Variants in SLC1A2 observed in about 807,000 individuals in gnomAD.
The protein encoded by SLC1A2 is excitatory amino acid transporter 2.
Under a neutral mutation model 48.8 loss-of-function variants are expected in SLC1A2, and 15 were observed. The observed-to-expected ratio is 0.31, with a 90% CI of 0.21 to 0.47. The LOEUF (loss-of-function observed/expected upper bound fraction) is 0.47, where lower values mean the gene tolerates loss of function less well. SLC1A2 is among the 20% of genes least tolerant of loss of function. The pLI is 0.99. For synonymous variants in SLC1A2, 279 were observed against 272.6 expected, an observed-to-expected ratio of 1.02 and a Z score of -0.23; for missense variants, 502 against 730.5, an observed-to-expected ratio of 0.69 and a Z score of 3.61.
chr11:35,286,102 G>A (rs1212069783), intron 8 of SLC1A2: 1 of 152,164 alleles, frequency 6.6e-6, no homozygotes, highest in East Asian at 1.9e-4. Context: ...TAAGTTTATG[G>A]TGAGGCAATG....
chr11:35,369,863 C>T (rs1853998551), intron 1 of SLC1A2, among the ~76,000 whole-genome samples: 1 of 152,080 alleles, frequency 6.6e-6, no homozygotes, highest in Non-Finnish European at 1.5e-5. Context: ...TAACAAAAAT[C>T]ATAATATAAG....
rs755017762 is a variant in SLC1A2 at position 35,317,367 on chromosome 11, A to G, written c.157+10T>C. The G allele has an allele frequency of 6.2e-7, 1 of 1,613,496 alleles. No homozygotes were observed. The highest frequency in any genetic ancestry group is 1.1e-5 in the South Asian group (1 of 91,034). On this transcript the variant is annotated intron_variant, in intron 2 of 10. Transcript: ENST00000278379. The stretch of plus-strand genomic sequence containing the variant: ...GAGGGGGCTGGGGGTGGGGTAGTGC[A>G]GGTACCTACCAAACACCGTCAGGGT...
chr11:35,350,345 T>C (rs138054557), intron 1 of SLC1A2, among the ~76,000 whole-genome samples: 1 of 152,304 alleles, frequency 6.6e-6, no homozygotes, highest in East Asian at 1.9e-4. Flanking sequence ...GAAGATGGTG[T>C]CAAAATTTAT....
At position 35,322,650 on chromosome 11, in the gene SLC1A2, G is replaced by T. The variant is rs577509659; in HGVS notation, c.18-5134C>A. 1.7e-5 allele frequency: 26 copies of T among 1,534,780 alleles called. No homozygotes were observed. The Admixed American group carries it at 4.9e-4, about 29-fold the overall frequency. ...TACTGGGGAGATAAAGATGTCCAGA[G>T]ATTGCCCTACTGGAAGACACTAGGT... On this transcript the variant is annotated intron_variant, in intron 1 of 10. Coordinates refer to ENST00000278379, the MANE Select transcript of SLC1A2 (RefSeq NM_004171.4).
In SLC1A2 at chr11:35,291,233, A is replaced by C. The variant is rs561241397; in HGVS notation, c.1091+1054T>G. ...GCTGAAAGTAAAACACTAGTCTTAA[A>C]AATTCTCAATTGTAAGGCATTTCTT... On this transcript the variant is annotated intron_variant, in intron 7 of 10. Transcript: ENST00000278379. Among the ~76,000 whole-genome samples, 4 of 152,270 alleles carry C rather than the reference A, an allele frequency of 2.6e-5. No individual in the cohort carries two copies. The East Asian group carries it at 7.7e-4, about 29-fold the overall frequency.
At position 35,301,552 on chromosome 11, in the gene SLC1A2, T is replaced by G; in HGVS notation, c.824A>C (p.Glu275Ala). Residue 275 changes from glutamate (E) to alanine (A), a missense_variant, in exon 6 of 11, where the codon GAG becomes GCG. Glu to Ala is a moderately radical substitution (Grantham distance 107). Around this residue, in one of 4 missense-constraint regions of SLC1A2, gnomAD observed 309 missense variants for 480.3 expected, o/e 0.64. Transcript: ENST00000278379. Reference sequence around the variant, plus strand: ...CATGATCACTAACTTCATTACAATCTCATTCAAAATGTTGAAGAAATCCAC... The same window carrying G: ...CATGATCACTAACTTCATTACAATCGCATTCAAAATGTTGAAGAAATCCAC... ...LMVDFFNILN[E>A]IVMKLVIMIM... 1 of 1,613,716 alleles carries G rather than the reference T, an allele frequency of 6.2e-7. No homozygotes were observed.
At chr11:35,301,991 G>C (rs958203794) in intron 5 of SLC1A2, among the ~76,000 whole-genome samples, 1 of 152,122 alleles carries the variant, frequency 6.6e-6, no homozygotes, top group South Asian at 2.1e-4. Context: ...ACAGATTAAC[G>C]AGGAAAAGCC....
intron 5 of SLC1A2, among the ~76,000 whole-genome samples, chr11:35,304,437 G>A (rs1030766218): frequency 2.0e-5 from 3 of 152,328 alleles, no homozygotes; most frequent in African/African-American, 7.2e-5. Context: ...TAGCTGGACA[G>A]TGAGGGAGAA....
intron 4 of SLC1A2, among the ~76,000 whole-genome samples, chr11:35,310,200 A>G (rs940523220): frequency 4.6e-5 from 7 of 152,174 alleles, no homozygotes; most frequent in African/African-American, 1.7e-4. Context: ...ACTGTGTCCA[A>G]ATCTGTCCTT....
Position 35,349,192 on chromosome 11 carries a change from G to A in SLC1A2, c.18-31676C>T, listed in dbSNP as rs116677398. On this transcript the variant is annotated intron_variant, in intron 1 of 10. Coordinates refer to ENST00000278379, the MANE Select transcript of SLC1A2 (RefSeq NM_004171.4). ...ACTGCGGGAGCCCGGGCAGGGGCGC[G>A]GGAAGCCTGCATTGAGGTGTGGACG... Among the ~76,000 whole-genome samples, 560 of 152,280 alleles carry A rather than the reference G, an allele frequency of 3.7e-3. 7 individuals carry two copies. The highest frequency in any genetic ancestry group is 0.013 in the African/African-American group (533 of 41,550).
intron 9 of SLC1A2, among the ~76,000 whole-genome samples, chr11:35,278,949 G>A (rs140167073): frequency 0.017 from 2,566 of 152,260 alleles, 81 homozygotes; most frequent in African/African-American, 0.058. Context: ...AACCCAGGAG[G>A]CAGAGGTTGC....
chr11:35,323,151 G>A (rs1852132828), intron 1 of SLC1A2: 1 of 256,624 alleles, frequency 3.9e-6, no homozygotes, highest in Non-Finnish European at 7.5e-6. Flanking sequence ...CTGCTGGTGA[G>A]GCACTCCAGA....
intron 1 of SLC1A2, among the ~76,000 whole-genome samples, chr11:35,397,906 G>T (rs1855015843): frequency 6.6e-6 from 1 of 152,204 alleles, no homozygotes; most frequent in East Asian, 1.9e-4. Flanking sequence ...TTATGGAATT[G>T]TGTGACACCA....
intron 1 of SLC1A2, among the ~76,000 whole-genome samples, chr11:35,355,308 C>A (rs1281628814): frequency 2.0e-5 from 3 of 152,198 alleles, no homozygotes; most frequent in Non-Finnish European, 4.4e-5. Context: ...CTTTCAGAAT[C>A]TCAGCATCAG....
chr11:35,278,701 A>G (rs1565209227), intron 9 of SLC1A2, among the ~76,000 whole-genome samples: 1 of 152,140 alleles, frequency 6.6e-6, no homozygotes, highest in East Asian at 1.9e-4. Flanking sequence ...AGTGGGAAGC[A>G]GAAACAGACT....
intron 7 of SLC1A2, chr11:35,291,243 T>C (rs372437296): frequency 2.0e-5 from 3 of 152,262 alleles, no homozygotes; most frequent in South Asian, 4.1e-4. Context: ...AAATTCTCAA[T>C]TGTAAGGCAT....
At chr11:35,346,220 T>C (rs1853027657) in intron 1 of SLC1A2, among the ~76,000 whole-genome samples, 1 of 152,182 alleles carries the variant, frequency 6.6e-6, no homozygotes, top group African/African-American at 2.4e-5. Flanking sequence ...CCCATGTTCT[T>C]AATGCATCTT....
At chr11:35,327,643 C>G (rs191172453) in intron 1 of SLC1A2, among the ~76,000 whole-genome samples, 1 of 152,324 alleles carries the variant, frequency 6.6e-6, no homozygotes, top group Admixed American at 6.5e-5. Context: ...TAATAACCAA[C>G]ATTTCATCAG....
At chr11:35,329,272 G>A (rs1287390719) in intron 1 of SLC1A2, among the ~76,000 whole-genome samples, 1 of 152,204 alleles carries the variant, frequency 6.6e-6, no homozygotes, top group African/African-American at 2.4e-5. Flanking sequence ...TACTTTGTAT[G>A]TTACTATAAT....
Sources: gnomAD v4.1 joint callset for allele counts (sites outside exome capture counted in the v4.1 genomes callset) on GRCh38, gnomAD v4.1.1 for gene constraint, gnomAD v4.1.1 regional missense constraint, MANE v1.5 for transcripts, NCBI Gene and HGNC (gene_info 2026-07-23, HGNC 2026-07-21) for gene names.